CDKAL1: variants seen among roughly 807,000 people sequenced by gnomAD.
The protein encoded by CDKAL1 is CDKAL1 threonylcarbamoyladenosine tRNA methylthiotransferase, also known as threonylcarbamoyladenosine tRNA methylthiotransferase.
Under a neutral mutation model 68.2 loss-of-function variants are expected in CDKAL1, and 32 were observed. The observed-to-expected ratio is 0.47, with a 90% CI of 0.35 to 0.63. The LOEUF (loss-of-function observed/expected upper bound fraction) is 0.63, where lower values mean the gene tolerates loss of function less well. Ranked by LOEUF, CDKAL1 falls within the 30% of genes least tolerant of loss-of-function variation. The probability of loss-of-function intolerance (pLI) is 0.00; values close to 1 mark genes in which losing one functional copy is unlikely to be tolerated. For synonymous variants in CDKAL1, 234 were observed against 244.3 expected (o/e 0.96, Z 0.39); for missense variants, 606 against 696.7 (o/e 0.87, Z 1.47).
At chr6:20,645,933 G>C (rs192207310) in intron 4 of CDKAL1, among the ~76,000 whole-genome samples, 347 of 151,624 alleles carry the variant, frequency 2.3e-3, no homozygotes, top group Middle Eastern at 6.8e-3. Context: ...CCCACTGGAA[G>C]ATCTTCAGGG....
chr6:21,047,673 T>C (rs1224081893), intron 11 of CDKAL1, among the ~76,000 whole-genome samples: 3 of 152,146 alleles, frequency 2.0e-5, no homozygotes, highest in African/African-American at 7.2e-5. Flanking sequence ...CAGGTGCTTA[T>C]AGTTTATTAG....
chr6:20,771,630 C>G (rs1298814703), intron 7 of CDKAL1, among the ~76,000 whole-genome samples: 1 of 152,124 alleles, frequency 6.6e-6, no homozygotes, highest in Non-Finnish European at 1.5e-5. Context: ...AAATGTGATC[C>G]TCGCTGTTGG....
chr6:21,153,466 T>C lies in CDKAL1; in HGVS notation c.1300-44555T>C, dbSNP rs77453226. ...CAATAGTAATATTTTATCTTAATCA[T>C]AATGTAGGCTGTATCACCTCTAGAT... On this transcript the variant is annotated intron_variant, in intron 13 of 15. Transcript: ENST00000274695. 6.3e-3 allele frequency among the ~76,000 whole-genome samples: 960 copies of C among 152,322 alleles called. 10 individuals carry two copies. Among genetic ancestry groups the C allele is most frequent in the African/African-American group, 0.022 (922 of 41,574 alleles).
At chr6:20,613,073 TACACAC>T (rs1201670153) in intron 4 of CDKAL1, among the ~76,000 whole-genome samples, 1 of 148,786 alleles carries the variant, frequency 6.7e-6, no homozygotes, top group Non-Finnish European at 1.5e-5. Flanking sequence ...AGAATAAATG[TACACAC>T]ACACACATAT....
chr6:20,595,144 G>A (rs944289708), intron 4 of CDKAL1, among the ~76,000 whole-genome samples: 3 of 152,086 alleles, frequency 2.0e-5, no homozygotes, highest in Admixed American at 6.5e-5. Context: ...TGACGATTAT[G>A]TGTCTTGGGG....
intron 5 of CDKAL1, among the ~76,000 whole-genome samples, chr6:20,698,542 C>T (rs1479197932): frequency 1.3e-5 from 2 of 151,934 alleles, no homozygotes; most frequent in Non-Finnish European, 2.9e-5. Context: ...TGTTTTTGAT[C>T]CTTGGCAGTT....
intron 7 of CDKAL1, among the ~76,000 whole-genome samples, chr6:20,780,754 A>G (rs1475899049): frequency 1.3e-5 from 2 of 150,384 alleles, no homozygotes; most frequent in African/African-American, 2.5e-5. Flanking sequence ...GCTCACTGCA[A>G]ACTCCGCCTC....
rs145710586 is a variant in CDKAL1 at position 20,714,372 on chromosome 6, T to G, written c.372-25147T>G. Reference sequence around the variant, plus strand: ...TTTGTTAATATTAATGATACTATTGTCTGTTCTTTTTTTTTTTTTTTTTTT... The same window carrying G: ...TTTGTTAATATTAATGATACTATTGGCTGTTCTTTTTTTTTTTTTTTTTTT... On this transcript the variant is annotated intron_variant, in intron 5 of 15. Transcript: ENST00000274695. 2.2e-3 allele frequency among the ~76,000 whole-genome samples: 314 copies of G among 143,324 alleles called. 3 individuals are homozygous for G. Among genetic ancestry groups the G allele is most frequent in the Middle Eastern group, 3.6e-3 (1 of 276 alleles). 94.0% of individuals were successfully genotyped at this position (143,324 alleles called of 152,430 possible). A position where few individuals can be genotyped will look rare whatever the true frequency, so the allele number is the denominator to read the frequency against.
chr6:20,636,220 TACTC>T lies in CDKAL1; in HGVS notation c.287-13069_287-13066del, dbSNP rs1253648662. ...TTTTTCAGATCTCTTCCATTTAAAATACTCACTATGTCGAGGTGGTATATTTTGG... is the reference window on the plus strand; with the variant it reads ...TTTTTCAGATCTCTTCCATTTAAAATACTATGTCGAGGTGGTATATTTTGG... On this transcript the variant is annotated intron_variant, in intron 4 of 15. Coordinates refer to ENST00000274695, the MANE Select transcript of CDKAL1 (RefSeq NM_017774.3). Among the ~76,000 whole-genome samples the T allele has an allele frequency of 3.3e-5, 5 of 152,302 alleles. 1 individual carries two copies. The South Asian group carries it at 6.2e-4, about 19-fold the overall frequency.
In CDKAL1 at chr6:21,231,861, G is replaced by A. The variant is rs778851012; in HGVS notation, c.*822G>A. On this transcript the variant is annotated 3_prime_UTR_variant, in exon 16 of 16. Coordinates refer to ENST00000274695, the MANE Select transcript of CDKAL1 (RefSeq NM_017774.3). ...AGAAACCTGTTCTGGGAACCTGAAT[G>A]CTTTTGGAATGCACGGGGAGAGTCT... The A allele has an allele frequency of 2.0e-5, 3 of 152,150 alleles. No homozygotes were observed. The highest frequency in any genetic ancestry group is 4.4e-5 in the Non-Finnish European group (3 of 68,044). 9.4% of individuals were successfully genotyped at this position (152,150 alleles called of 1,614,324 possible). A position where few individuals can be genotyped will look rare whatever the true frequency, so the allele number is the denominator to read the frequency against.
At chr6:20,886,511 G>T (rs1203699820) in intron 9 of CDKAL1, among the ~76,000 whole-genome samples, 1 of 152,098 alleles carries the variant, frequency 6.6e-6, no homozygotes, top group African/African-American at 2.4e-5. Flanking sequence ...CACATGAATG[G>T]ATAAACAAAA....
At chr6:21,179,034 T>C (rs1027407025) in intron 13 of CDKAL1, among the ~76,000 whole-genome samples, 16 of 152,256 alleles carry the variant, frequency 1.1e-4, no homozygotes, top group African/African-American at 3.9e-4. Context: ...GAGAAACTCT[T>C]ATTTTCCATT....
At position 20,872,064 on chromosome 6, in the gene CDKAL1, G is replaced by A. The variant is rs992210055; in HGVS notation, c.742+25886G>A. On this transcript the variant is annotated intron_variant, in intron 9 of 15. Coordinates refer to ENST00000274695, the MANE Select transcript of CDKAL1 (RefSeq NM_017774.3). ...GACTCAAGCAAGTTCCTTAGAGATT[G>A]TAGCTGCATAGTTCTAGATATCTTT... 1.3e-5 allele frequency among the ~76,000 whole-genome samples: 2 copies of A among 152,160 alleles called. 1 individual carries two copies. The highest frequency in any genetic ancestry group is 2.9e-5 in the Non-Finnish European group (2 of 68,010).
In CDKAL1 at chr6:20,542,831, T is replaced by G. The variant is rs551367847; in HGVS notation, c.-5-3515T>G. Among the ~76,000 whole-genome samples, 392 of 152,334 alleles carry G rather than the reference T, an allele frequency of 2.6e-3. 1 individual carries two copies. Among genetic ancestry groups the G allele is most frequent in the Non-Finnish European group, 4.3e-3 (293 of 68,018 alleles). On this transcript the variant is annotated intron_variant, in intron 2 of 15. Transcript: ENST00000274695. ...TACCCATTCTCCTCTCACCCTGTTC[T>G]TTCTTTAATCCCTGGCAACTACTAT...
chr6:20,617,547 C>T (rs1482913756), intron 4 of CDKAL1, among the ~76,000 whole-genome samples: 1 of 152,078 alleles, frequency 6.6e-6, no homozygotes, highest in Non-Finnish European at 1.5e-5. Context: ...AGATATTTCT[C>T]CTAATGTTAT....
At chr6:21,096,403 G>A (rs1003961318) in intron 12 of CDKAL1, among the ~76,000 whole-genome samples, 2 of 152,126 alleles carry the variant, frequency 1.3e-5, no homozygotes, top group Non-Finnish European at 2.9e-5. Flanking sequence ...CTCTGTTTTC[G>A]CAATACTGGG....
chr6:21,085,663 G>A (rs748076920), intron 12 of CDKAL1, among the ~76,000 whole-genome samples: 59 of 152,300 alleles, frequency 3.9e-4, no homozygotes, highest in Middle Eastern at 6.8e-3. Flanking sequence ...AGTGAACAAT[G>A]AGAAAGACTT....
chr6:21,205,725 G>GT (rs1562116263), intron 15 of CDKAL1, among the ~76,000 whole-genome samples: 3 of 150,052 alleles, frequency 2.0e-5, no homozygotes, highest in Non-Finnish European at 4.4e-5. Context: ...TAGAGACGGG[G>GT]TTTCACTGTG....
intron 9 of CDKAL1, among the ~76,000 whole-genome samples, chr6:20,900,271 A>G (rs1761898604): frequency 6.6e-6 from 1 of 152,232 alleles, no homozygotes; most frequent in African/African-American, 2.4e-5. Context: ...AATTATTCTA[A>G]AGCTAATTTC....
Sources: gnomAD v4.1 joint callset for allele counts (sites outside exome capture counted in the v4.1 genomes callset) on GRCh38, gnomAD v4.1.1 for gene constraint, MANE v1.5 for transcripts, NCBI Gene and HGNC (gene_info 2026-07-23, HGNC 2026-07-21) for gene names.